ZMIZ1: variants seen among roughly 807,000 people sequenced by gnomAD.
The protein encoded by ZMIZ1 is zinc finger MIZ-type containing 1, also known as zinc finger MIZ domain-containing protein 1.
In ZMIZ1, 17 loss-of-function variants were observed where a neutral mutation model predicts 113.9. The ratio of observed to expected loss-of-function variants is 0.15; its 90% CI spans 0.10 to 0.22. ZMIZ1 has a LOEUF of 0.22. ZMIZ1 is among the 10% of genes least tolerant of loss of function. The probability of loss-of-function intolerance (pLI) is 1.00; values close to 1 mark genes in which losing one functional copy is unlikely to be tolerated. For missense variants in ZMIZ1, 1,059 were observed against 1,477.8 expected (o/e 0.72, Z 4.65); for synonymous variants, 607 against 603.1 (o/e 1.01, Z -0.09).
chr10:79,077,099 T>A (rs972420247), intron 1 of ZMIZ1, among the ~76,000 whole-genome samples: 1 of 152,120 alleles, frequency 6.6e-6, no homozygotes, highest in African/African-American at 2.4e-5. Flanking sequence ...GAGAGTCACC[T>A]TTGTCAGCCT....
intron 1 of ZMIZ1, among the ~76,000 whole-genome samples, chr10:79,070,148 G>C (rs1259847118): frequency 5.3e-5 from 7 of 131,628 alleles, no homozygotes; most frequent in East Asian, 4.0e-4. Context: ...GCCGGGGTCG[G>C]GGGGGGGAGG....
intron 18 of ZMIZ1, among the ~76,000 whole-genome samples, chr10:79,303,454 CA>C (rs34154193): frequency 0.098 from 6,444 of 65,952 alleles, 126 homozygotes; most frequent in African/African-American, 0.14. Flanking sequence ...GACACTGCCA[CA>C]AAAAAAAAAA....
chr10:79,226,957 G>A (rs1010319405), intron 7 of ZMIZ1, among the ~76,000 whole-genome samples: 2 of 152,204 alleles, frequency 1.3e-5, no homozygotes, highest in African/African-American at 2.4e-5. Flanking sequence ...AACAGGCACT[G>A]CCTTGAGTAT....
intron 7 of ZMIZ1, among the ~76,000 whole-genome samples, chr10:79,230,161 C>T (rs911315062): frequency 8.5e-5 from 13 of 152,072 alleles, no homozygotes; most frequent in African/African-American, 2.2e-4. Context: ...TCTCTCTCCC[C>T]GCCCCCCTTT....
intron 7 of ZMIZ1, among the ~76,000 whole-genome samples, chr10:79,265,862 G>A (rs939350947): frequency 3.3e-5 from 5 of 152,154 alleles, no homozygotes; most frequent in South Asian, 2.1e-4. Context: ...TGACCTCAGC[G>A]AATCCACTCT....
At chr10:79,305,766 C>G (rs1247459525) in intron 21 of ZMIZ1, among the ~76,000 whole-genome samples, 165 bp downstream of exon 21, 1 of 152,078 alleles carries the variant, frequency 6.6e-6, no homozygotes, top group Non-Finnish European at 1.5e-5. Flanking sequence ...GCCTCTGGAT[C>G]TGGGGACAAA....
At chr10:79,071,294 C>A (rs1035165048) in intron 1 of ZMIZ1, among the ~76,000 whole-genome samples, 2 of 152,372 alleles carry the variant, frequency 1.3e-5, no homozygotes, top group South Asian at 4.1e-4. Flanking sequence ...TTAACCAGTG[C>A]CGACTCCTCC....
rs530053644 is a variant in ZMIZ1, at chr10:79,115,923, A to G, written c.-336-2992A>G. 4.6e-5 allele frequency among the ~76,000 whole-genome samples: 7 copies of G among 152,152 alleles called. No homozygotes were observed. The South Asian group carries it at 1.5e-3, about 32-fold the overall frequency. ...GATGCCCACTCTGTCTGGCATTACA[A>G]CTCTTCCTTCTGTCTGCCTAGCAGT... On this transcript the variant is annotated intron_variant, in intron 1 of 24. Transcript: ENST00000334512.
intron 1 of ZMIZ1, among the ~76,000 whole-genome samples, chr10:79,093,279 C>T (rs1843048660): frequency 6.7e-6 from 1 of 149,438 alleles, no homozygotes; most frequent in Admixed American, 6.7e-5. Flanking sequence ...ACTGCTGTAC[C>T]CCAGTTTTAT....
intron 1 of ZMIZ1, among the ~76,000 whole-genome samples, chr10:79,080,664 G>T (rs1842630709): frequency 6.6e-6 from 1 of 152,114 alleles, no homozygotes; most frequent in African/African-American, 2.4e-5. Context: ...CTGTGAGTTT[G>T]ACGTCAGTTT....
intron 1 of ZMIZ1, among the ~76,000 whole-genome samples, chr10:79,083,798 G>A (rs935769067): frequency 2.6e-5 from 4 of 152,198 alleles, no homozygotes; most frequent in South Asian, 2.1e-4. Context: ...GTCCACCTCC[G>A]TGAAACAGGC....
intron 1 of ZMIZ1, among the ~76,000 whole-genome samples, chr10:79,099,277 C>G (rs976627086): frequency 6.6e-6 from 1 of 152,082 alleles, no homozygotes; most frequent in South Asian, 2.1e-4. Context: ...TGCTGGATAC[C>G]AGCGCTCCTT....
At chr10:79,128,013 C>G (rs1844590930) in intron 2 of ZMIZ1, among the ~76,000 whole-genome samples, 1 of 152,190 alleles carries the variant, frequency 6.6e-6, no homozygotes, top group Admixed American at 6.5e-5. Context: ...GCATGCAGTT[C>G]CTTGCGCTGA....
intron 1 of ZMIZ1, among the ~76,000 whole-genome samples, chr10:79,070,191 G>A (rs1230921351): frequency 6.6e-6 from 1 of 152,030 alleles, no homozygotes; most frequent in Admixed American, 6.5e-5. Context: ...CATTCCTGGC[G>A]TCTGGGCTGG....
chr10:79,313,562 C>G lies in ZMIZ1; in HGVS notation c.*813C>G. 1.0e-5 allele frequency: 2 copies of G among 199,618 alleles called. No individual in the cohort carries two copies. Among genetic ancestry groups the G allele is most frequent in the Admixed American group, 5.5e-5 (1 of 18,226 alleles). 12.4% of individuals were successfully genotyped at this position (199,618 alleles called of 1,614,324 possible). A position where few individuals can be genotyped will look rare whatever the true frequency, so the allele number is the denominator to read the frequency against. The stretch of plus-strand genomic sequence containing the variant: ...TTGGGGAACAGAGAGAGCAGGTGTA[C>G]ACCCAACCAAAGTGATTGTGCCCTT... On this transcript the variant is annotated 3_prime_UTR_variant, in exon 25 of 25. Transcript: ENST00000334512.
At chr10:79,071,477 C>T (rs942317459) in intron 1 of ZMIZ1, among the ~76,000 whole-genome samples, 10 of 152,200 alleles carry the variant, frequency 6.6e-5, no homozygotes, top group African/African-American at 2.4e-4. Context: ...AGCCTGCGTT[C>T]GCTGGCGCTT....
chr10:79,231,970 C>CTGAAA (rs1849412631), intron 7 of ZMIZ1, among the ~76,000 whole-genome samples: 1 of 152,198 alleles, frequency 6.6e-6, no homozygotes, highest in African/African-American at 2.4e-5. Flanking sequence ...AGGCACTGGG[C>CTGAAA]TGAAATCATT....
intron 4 of ZMIZ1, among the ~76,000 whole-genome samples, chr10:79,196,244 G>C (rs761075005): frequency 2.6e-5 from 4 of 152,198 alleles, no homozygotes; most frequent in Non-Finnish European, 5.9e-5. Context: ...ACACAGCGCT[G>C]TCCCTGTGGT....
intron 7 of ZMIZ1, among the ~76,000 whole-genome samples, chr10:79,263,232 C>T (rs566322184): frequency 6.6e-4 from 101 of 152,364 alleles, no homozygotes; most frequent in African/African-American, 2.2e-3. Flanking sequence ...CTCGTGGCTT[C>T]GGTCTTTGCA....
Sources: allele counts gnomAD v4.1 joint callset (sites outside exome capture counted in the v4.1 genomes callset), GRCh38; gene constraint gnomAD v4.1.1; transcripts MANE v1.5; gene names NCBI Gene and HGNC (gene_info 2026-07-23, HGNC 2026-07-21).